The following MACROD2 variants were observed in gnomAD, a reference collection of about 807,000 sequenced individuals.
MACROD2 encodes ADP-ribose glycohydrolase MACROD2.
Under a neutral mutation model 70.4 loss-of-function variants are expected in MACROD2, and 36 were observed. The observed-to-expected ratio is 0.51, with a 90% confidence interval of 0.39 to 0.68. The LOEUF (loss-of-function observed/expected upper bound fraction) is 0.68, where lower values mean the gene tolerates loss of function less well. Ranked by LOEUF, MACROD2 falls within the 30% of genes least tolerant of loss-of-function variation. The pLI is 0.00. For missense variants in MACROD2, 496 were observed against 538.4 expected (o/e 0.92, Z 0.78); for synonymous variants, 172 against 178.8 (o/e 0.96, Z 0.30).
intron 6 of MACROD2, among the ~76,000 whole-genome samples, chr20:15,296,426 G>A (rs79383641): frequency 0.034 from 5,111 of 152,250 alleles, 124 homozygotes; most frequent in Non-Finnish European, 0.049. Flanking sequence ...GTATTACACA[G>A]AATTGTTCTC....
intron 12 of MACROD2, among the ~76,000 whole-genome samples, chr20:15,951,003 C>T (rs2065896074): frequency 6.6e-6 from 1 of 152,154 alleles, no homozygotes; most frequent in Admixed American, 6.5e-5. Flanking sequence ...AACCATTCCA[C>T]ATCCCATCTG....
chr20:15,148,597 C>A (rs1479002421), intron 5 of MACROD2, among the ~76,000 whole-genome samples: 3 of 151,948 alleles, frequency 2.0e-5, no homozygotes, highest in Non-Finnish European at 4.4e-5. Context: ...TATGACTAGA[C>A]AGAAAACAGC....
At chr20:15,251,150 AGGGGT>A (rs1396588581) in intron 6 of MACROD2, among the ~76,000 whole-genome samples, 2 of 152,198 alleles carry the variant, frequency 1.3e-5, no homozygotes, top group Non-Finnish European at 2.9e-5. Flanking sequence ...AAAAAGGGGT[AGGGGT>A]CAGATGATCA....
intron 6 of MACROD2, among the ~76,000 whole-genome samples, chr20:15,331,495 A>G (rs1472207359): frequency 6.6e-6 from 1 of 151,680 alleles, no homozygotes; most frequent in African/African-American, 2.4e-5. Flanking sequence ...GAATTAGTTA[A>G]CTTCAAAGAG....
chr20:15,635,206 T>C lies in MACROD2; in HGVS notation c.645+135359T>C, dbSNP rs539108521. ...CAGTCAACTTTGACTGATATGAAAATAGTCATAACCACATAAATGAAGAGT... is the reference window on the plus strand; with the variant it reads ...CAGTCAACTTTGACTGATATGAAAACAGTCATAACCACATAAATGAAGAGT... On this transcript the variant is annotated intron_variant, in intron 8 of 17. Coordinates refer to ENST00000684519, the MANE Select transcript of MACROD2 (RefSeq NM_001351661.2). Among the ~76,000 whole-genome samples the C allele has an allele frequency of 5.1e-4, 78 of 152,328 alleles. 1 individual carries two copies. The South Asian group carries it at 0.015, about 28-fold the overall frequency.
intron 10 of MACROD2, among the ~76,000 whole-genome samples, chr20:15,932,260 A>G (rs143395447): frequency 5.9e-5 from 9 of 152,190 alleles, no homozygotes; most frequent in Admixed American, 2.6e-4. Flanking sequence ...CAACTTCTTT[A>G]CAGCATGGGG....
intron 8 of MACROD2, among the ~76,000 whole-genome samples, chr20:15,545,029 T>G (rs1184407802): frequency 6.6e-6 from 1 of 152,236 alleles, no homozygotes; most frequent in African/African-American, 2.4e-5. Flanking sequence ...ATTTAGAAGC[T>G]AATTTATACT....
chr20:14,643,946 T>G (rs1330690236), intron 4 of MACROD2, among the ~76,000 whole-genome samples: 1 of 152,186 alleles, frequency 6.6e-6, no homozygotes, highest in Non-Finnish European at 1.5e-5. Flanking sequence ...AAGCTGTAGT[T>G]AGTCATCTAT....
intron 4 of MACROD2, among the ~76,000 whole-genome samples, chr20:14,516,213 A>G (rs1364143187): frequency 1.3e-5 from 2 of 151,800 alleles, no homozygotes; most frequent in African/African-American, 2.4e-5. Flanking sequence ...ATTTAATAAT[A>G]CTATTATTTT....
chr20:14,058,298 T>A (rs2053653136), intron 2 of MACROD2, among the ~76,000 whole-genome samples: 1 of 152,096 alleles, frequency 6.6e-6, no homozygotes, highest in African/African-American at 2.4e-5. Context: ...TAACTAGAAA[T>A]TCAGTGAAAC....
intron 8 of MACROD2, among the ~76,000 whole-genome samples, chr20:15,502,397 C>A (rs2047375509): frequency 6.6e-6 from 1 of 152,090 alleles, no homozygotes. Flanking sequence ...GAAAGAATGG[C>A]AGGAGACAAG....
At chr20:15,584,677 G>A (rs113002941) in intron 8 of MACROD2, among the ~76,000 whole-genome samples, 11 of 152,264 alleles carry the variant, frequency 7.2e-5, no homozygotes, top group East Asian at 3.9e-4. Context: ...CCTTCCTTGC[G>A]TAGTGTACCC....
chr20:15,901,264 C>G (rs930632078), intron 10 of MACROD2, among the ~76,000 whole-genome samples: 10 of 152,082 alleles, frequency 6.6e-5, no homozygotes, highest in African/African-American at 2.4e-4. Context: ...ATCTCTATTC[C>G]CCTTATCTTC....
chr20:14,913,794 T>G (rs1364585638), intron 5 of MACROD2, among the ~76,000 whole-genome samples: 1 of 152,186 alleles, frequency 6.6e-6, no homozygotes, highest in African/African-American at 2.4e-5. Context: ...ATTTGTAGTA[T>G]GTTTCTTCAT....
At chr20:15,279,131 A>C (rs1044936702) in intron 6 of MACROD2, among the ~76,000 whole-genome samples, 5 of 152,210 alleles carry the variant, frequency 3.3e-5, no homozygotes, top group African/African-American at 1.2e-4. Flanking sequence ...ACGAGTTATG[A>C]GCGACTTTAA....
chr20:14,580,982 A>G (rs73901893), intron 4 of MACROD2, among the ~76,000 whole-genome samples: 7,349 of 152,264 alleles, frequency 0.048, 423 homozygotes, highest in African/African-American at 0.13. Context: ...CTCACCTGGC[A>G]GTCCACTGTG....
chr20:15,137,871 A>G (rs2076162546), intron 5 of MACROD2, among the ~76,000 whole-genome samples: 3 of 152,110 alleles, frequency 2.0e-5, no homozygotes. Context: ...CCTTTGGAAA[A>G]AGATGGGGTT....
intron 3 of MACROD2, among the ~76,000 whole-genome samples, chr20:14,428,203 A>G (rs988264482): frequency 1.3e-5 from 2 of 152,124 alleles, no homozygotes; most frequent in African/African-American, 2.4e-5. Flanking sequence ...TAGTGTTATA[A>G]TAGCTGATCC....
chr20:15,520,476 A>G (rs1248792123), intron 8 of MACROD2, among the ~76,000 whole-genome samples: 1 of 152,240 alleles, frequency 6.6e-6, no homozygotes, highest in Admixed American at 6.5e-5. Flanking sequence ...GGTGATGACT[A>G]TAGCGATGCC....
Sources: allele counts gnomAD v4.1 joint callset (sites outside exome capture counted in the v4.1 genomes callset), GRCh38; gene constraint gnomAD v4.1.1; transcripts MANE v1.5; gene names NCBI Gene and HGNC (gene_info 2026-07-23, HGNC 2026-07-21).